Variants in CHD7 observed in about 807,000 individuals in gnomAD.
The protein encoded by CHD7 is ATP-dependent chromatin remodeler CHD7.
In CHD7, 24 loss-of-function variants were observed where a neutral mutation model predicts 307.3. The ratio of observed to expected loss-of-function variants is 0.08; its 90% CI spans 0.06 to 0.11. The LOEUF (loss-of-function observed/expected upper bound fraction) is 0.11. CHD7 is among the 10% of genes least tolerant of loss of function. CHD7 has a pLI of 1.00. For missense variants in CHD7, 3,106 were observed against 3,727.1 expected, an observed-to-expected ratio of 0.83 and a Z score of 4.34; for synonymous variants, 1,363 against 1,349.9, an observed-to-expected ratio of 1.01 and a Z score of -0.21.
At chr8:60,837,055 A>G in intron 17 of CHD7, 43 bp downstream of exon 17, 4 of 1,482,796 alleles carry the variant, frequency 2.7e-6, no homozygotes, top group Non-Finnish European at 3.7e-6. Flanking sequence ...AAAGGAAGTC[A>G]TTCTGCTTAC....
chr8:60,805,441 AG>A (rs1360517660), intron 6 of CHD7, among the ~76,000 whole-genome samples: 1 of 152,198 alleles, frequency 6.6e-6, no homozygotes, highest in Non-Finnish European at 1.5e-5. Context: ...TACCAGCTCC[AG>A]GTGCTGCTAA....
intron 1 of CHD7, among the ~76,000 whole-genome samples, chr8:60,715,780 A>T (rs1228801000): frequency 6.6e-6 from 1 of 152,158 alleles, no homozygotes; most frequent in Non-Finnish European, 1.5e-5. Context: ...ACAAAACAAA[A>T]CAAAACGTCA....
At chr8:60,689,483 T>C (rs1806085561) in intron 1 of CHD7, among the ~76,000 whole-genome samples, 1 of 152,222 alleles carries the variant, frequency 6.6e-6, no homozygotes, top group Non-Finnish European at 1.5e-5. Flanking sequence ...AAGATCATAG[T>C]TTTTAATGAG....
chr8:60,857,369 T>C (rs911823140), intron 34 of CHD7, among the ~76,000 whole-genome samples: 6 of 152,328 alleles, frequency 3.9e-5, no homozygotes, highest in Non-Finnish European at 8.8e-5. Context: ...AGAATAGGTT[T>C]GAATAGAATG....
chr8:60,732,742 A>G (rs1306612297), intron 1 of CHD7, among the ~76,000 whole-genome samples: 1 of 152,192 alleles, frequency 6.6e-6, no homozygotes, highest in Admixed American at 6.5e-5. Flanking sequence ...CAATCAGCAA[A>G]TTTTGTAAAA....
chr8:60,812,553 AC>A (rs1196425056), intron 7 of CHD7, among the ~76,000 whole-genome samples: 1 of 151,014 alleles, frequency 6.6e-6, no homozygotes, highest in Non-Finnish European at 1.5e-5. Context: ...AATCCCAGCT[AC>A]TCGGGAGGCT....
At chr8:60,740,579 T>G (rs939072093) in intron 1 of CHD7, among the ~76,000 whole-genome samples, 15 of 152,238 alleles carry the variant, frequency 9.9e-5, no homozygotes, top group African/African-American at 3.4e-4. Context: ...TCTTGTATAT[T>G]TCTGCCATTA....
Position 60,690,175 on chromosome 8 carries a change from G to A in CHD7, c.-175+11093G>A, listed in dbSNP as rs183114971. On this transcript the variant is annotated intron_variant, in intron 1 of 37. Transcript: ENST00000423902. ...AGTCTTACATGTTACAGAGTGGGTG[G>A]ATGTTCCTTTGCCAGGGGATTAAAA... 5.1e-3 allele frequency among the ~76,000 whole-genome samples: 707 copies of A among 138,774 alleles called. 2 individuals are homozygous for A. Among genetic ancestry groups the A allele is most frequent in the African/African-American group, 0.023 (666 of 29,088 alleles). The allele number at this position is 138,774 out of a possible 152,430, so 91.0% of individuals were successfully genotyped here. A position where few individuals can be genotyped will look rare whatever the true frequency, so the allele number is the denominator to read the frequency against.
chr8:60,783,432 C>T (rs1811355094), intron 3 of CHD7, among the ~76,000 whole-genome samples: 1 of 152,116 alleles, frequency 6.6e-6, no homozygotes, highest in South Asian at 2.1e-4. Flanking sequence ...GAGAAACATT[C>T]AGTGCAAGCC....
chr8:60,695,782 A>G (rs1248139093), intron 1 of CHD7, among the ~76,000 whole-genome samples: 1 of 152,240 alleles, frequency 6.6e-6, no homozygotes, highest in African/African-American at 2.4e-5. Flanking sequence ...TTAAATTAAA[A>G]TGATATACTT....
intron 2 of CHD7, among the ~76,000 whole-genome samples, chr8:60,748,900 A>G (rs1407392405): frequency 6.6e-6 from 1 of 152,052 alleles, no homozygotes; most frequent in East Asian, 1.9e-4. Context: ...GATTGAGGTG[A>G]TAGGTAATAA....
At chr8:60,859,137 CTT>C (rs34162663) in intron 34 of CHD7, among the ~76,000 whole-genome samples, 2 of 148,142 alleles carry the variant, frequency 1.4e-5, no homozygotes, top group Non-Finnish European at 3.0e-5. Context: ...ATTTTTAAAA[CTT>C]TTTTTTTTTA....
intron 1 of CHD7, among the ~76,000 whole-genome samples, chr8:60,681,106 G>C (rs1038541867): frequency 2.0e-5 from 3 of 152,054 alleles, no homozygotes. Flanking sequence ...AACAAAATAC[G>C]TGTCTTTATT....
In CHD7 at chr8:60,724,155, C is replaced by T. The variant is rs370813642; in HGVS notation, c.-174-17104C>T. On this transcript the variant is annotated intron_variant, in intron 1 of 37. Transcript: ENST00000423902. The stretch of plus-strand genomic sequence containing the variant: ...TTCATTATCTGGGGAGGTAGTTCGT[C>T]GGGGGTTTGCTCCACAGCCTTCCTG... Among the ~76,000 whole-genome samples, 7 of 152,146 alleles carry T rather than the reference C, an allele frequency of 4.6e-5. 1 individual carries two copies. In the South Asian group the frequency reaches 1.2e-3, roughly 27 times the overall value.
Position 60,865,441 on chromosome 8 carries a change from A to G in CHD7, c.8502A>G (p.Gly2834=). ...ACACCACTACTGCTTCTAGTCAAGG[A>G]GAACCGGAAGACAGCACTTCAAAAG... The part of the protein sequence containing the change: ...TGNTTTASSQ[G]EPEDSTSKGE... The change falls in exon 38 of 38, where the codon GGA becomes GGG. Residue 2834 remains glycine, a synonymous_variant. Coordinates refer to ENST00000423902, the MANE Select transcript of CHD7 (RefSeq NM_017780.4). This position sits in a 1 kb window ranked among gnomAD's most constrained non-coding sequence, Gnocchi z 4.3. The G allele has an allele frequency of 6.2e-7, 1 of 1,614,024 alleles. No individual in the cohort carries two copies. The highest frequency in any genetic ancestry group is 8.5e-7 in the Non-Finnish European group (1 of 1,179,898).
chr8:60,798,828 G>T (rs1249544141), intron 4 of CHD7, among the ~76,000 whole-genome samples: 28 of 152,182 alleles, frequency 1.8e-4, no homozygotes, highest in Admixed American at 1.6e-3. Context: ...TTCAAATTTA[G>T]ATTTGACATA....
At position 60,822,620 on chromosome 8, in the gene CHD7, G is replaced by A. The variant is rs1393716705; in HGVS notation, c.3075G>A (p.Leu1025=). The A allele has an allele frequency of 2.5e-6, 4 of 1,613,724 alleles. No homozygotes were observed. The African/African-American group carries it at 5.3e-5, about 22-fold the overall frequency. The change falls in exon 12 of 38, where the codon TTG becomes TTA. Residue 1025 remains leucine (L), a synonymous_variant. Coordinates refer to ENST00000423902, the MANE Select transcript of CHD7 (RefSeq NM_017780.4). ...GCCCTTTTTTAGTAATTGCCCCATTGTCCACAATCCCCAACTGGGAAAGGG... is the reference window on the plus strand; with the variant it reads ...GCCCTTTTTTAGTAATTGCCCCATTATCCACAATCCCCAACTGGGAAAGGG... ...IHGPFLVIAP[L]STIPNWEREF...
At chr8:60,684,827 G>A (rs930722065) in intron 1 of CHD7, among the ~76,000 whole-genome samples, 7 of 152,254 alleles carry the variant, frequency 4.6e-5, no homozygotes, top group Non-Finnish European at 7.3e-5. Context: ...ATTGGTGGGT[G>A]CAGAGAGGAC....
intron 1 of CHD7, among the ~76,000 whole-genome samples, chr8:60,696,615 T>A (rs1806485806): frequency 6.6e-6 from 1 of 152,036 alleles, no homozygotes; most frequent in African/African-American, 2.4e-5. Flanking sequence ...GGATTGCAGG[T>A]AGTTTTTTTT....
Sources: allele counts gnomAD v4.1 joint callset (sites outside exome capture counted in the v4.1 genomes callset), GRCh38; gene constraint gnomAD v4.1.1; non-coding constraint Gnocchi (gnomAD v3.1); transcripts MANE v1.5; gene names NCBI Gene and HGNC (gene_info 2026-07-23, HGNC 2026-07-21).